CLCA1: variants seen among roughly 807,000 people sequenced by gnomAD.
CLCA1 encodes the protein calcium-activated chloride channel regulator 1.
In CLCA1, 59 loss-of-function variants were observed where a neutral mutation model predicts 85.6. The observed-to-expected ratio is 0.69, with a 90% CI of 0.56 to 0.86. CLCA1 has a LOEUF of 0.86. CLCA1 is among the 40% of genes least tolerant of loss of function. The pLI is 0.00. For synonymous variants in CLCA1, 396 were observed against 398.3 expected, an observed-to-expected ratio of 0.99 and a Z score of 0.07; for missense variants, 1,022 against 1,101.4, an observed-to-expected ratio of 0.93 and a Z score of 1.02.
At chr1:86,486,873 A>G in intron 7 of CLCA1, 120 bp downstream of exon 7, 1 of 832,014 alleles carries the variant, frequency 1.2e-6, no homozygotes, top group South Asian at 1.6e-5. Context: ...ACCAAGGAGC[A>G]ATATTCCATA....
At chr1:86,495,247 T>C (rs1165295796) in intron 11 of CLCA1, among the ~76,000 whole-genome samples, 1 of 152,194 alleles carries the variant, frequency 6.6e-6, no homozygotes, top group Non-Finnish European at 1.5e-5. Flanking sequence ...TTGTGCTACA[T>C]TGGGTGTAAC....
intron 1 of CLCA1, among the ~76,000 whole-genome samples, chr1:86,470,564 T>C (rs1358826): frequency 0.69 from 104,390 of 152,082 alleles, 36,202 homozygotes; most frequent in South Asian, 0.75. Flanking sequence ...AAAGTGCTTC[T>C]ACTTCATTGT....
At chr1:86,476,331 T>C in intron 3 of CLCA1, 117 bp from the exon 4 acceptor site, 1 of 584,710 alleles carries the variant, frequency 1.7e-6, no homozygotes, top group African/African-American at 1.9e-5. Flanking sequence ...ATCAAGTCTT[T>C]AATTTAAAAA....
chr1:86,479,890 A>C (rs954162174), intron 4 of CLCA1, among the ~76,000 whole-genome samples: 2 of 152,110 alleles, frequency 1.3e-5, no homozygotes, highest in African/African-American at 2.4e-5. Context: ...ATCTCAAAAA[A>C]CAAACAAACA....
intron 4 of CLCA1, among the ~76,000 whole-genome samples, chr1:86,481,511 A>G (rs1255575181): frequency 6.6e-6 from 1 of 152,160 alleles, no homozygotes. Flanking sequence ...CAGGAAACAA[A>G]GCTATCTGTG....
intron 7 of CLCA1, among the ~76,000 whole-genome samples, chr1:86,488,362 T>A: frequency 6.6e-6 from 1 of 152,210 alleles, no homozygotes; most frequent in Non-Finnish European, 1.5e-5. Flanking sequence ...ATCCTGTCTA[T>A]ACCATATAAA....
intron 12 of CLCA1, 94 bp from the exon 13 acceptor site, chr1:86,498,478 G>A: frequency 8.0e-7 from 1 of 1,248,392 alleles, no homozygotes; most frequent in Non-Finnish European, 1.1e-6. Context: ...GCAGAAGTGG[G>A]GAACAGGAAG....
At chr1:86,489,234 A>G in intron 8 of CLCA1, 64 bp downstream of exon 8, 1 of 1,460,642 alleles carries the variant, frequency 6.8e-7, no homozygotes, top group Non-Finnish European at 9.4e-7. Flanking sequence ...GCTCCAGTGA[A>G]CTGGGGAGTG....
At position 86,480,544 on chromosome 1, in the gene CLCA1, G is replaced by C. The variant is rs1451151402; in HGVS notation, c.558-1661G>C. On this transcript the variant is annotated intron_variant, in intron 4 of 13. Coordinates refer to ENST00000394711, the MANE Select transcript of CLCA1 (RefSeq NM_001285.4). ...AGGCTGAGGTGGAAGGATCACCTGA[G>C]CCTGGGGGTGAGGTTGAAGCTGCAG... 3.4e-4 allele frequency among the ~76,000 whole-genome samples: 52 copies of C among 152,076 alleles called. 2 individuals are homozygous for C. Among genetic ancestry groups the C allele is most frequent in the Admixed American group, 3.3e-3 (51 of 15,258 alleles).
intron 13 of CLCA1, among the ~76,000 whole-genome samples, chr1:86,499,425 A>G (rs751145700): frequency 1.4e-4 from 22 of 152,328 alleles, no homozygotes; most frequent in Admixed American, 4.6e-4. Flanking sequence ...GTCATGCCCA[A>G]TCCAGTTTTA....
chr1:86,472,493 C>T (rs189973846), intron 1 of CLCA1, among the ~76,000 whole-genome samples: 223 of 152,208 alleles, frequency 1.5e-3, no homozygotes, highest in African/African-American at 5.1e-3. Context: ...CTCTTTTTTC[C>T]TCTGTCTATG....
chr1:86,474,804 G>A (rs941055399), intron 3 of CLCA1, among the ~76,000 whole-genome samples: 2 of 152,084 alleles, frequency 1.3e-5, no homozygotes, highest in African/African-American at 4.8e-5. Flanking sequence ...TATTAAACAA[G>A]TAATGACATA....
chr1:86,477,941 G>A (rs1036989747), intron 4 of CLCA1, among the ~76,000 whole-genome samples: 13 of 152,134 alleles, frequency 8.5e-5, no homozygotes, highest in Admixed American at 7.9e-4. Context: ...AGATGCACTC[G>A]GCTTTGATTC....
intron 8 of CLCA1, among the ~76,000 whole-genome samples, chr1:86,490,088 T>G (rs938898780): frequency 6.6e-6 from 1 of 152,240 alleles, no homozygotes; most frequent in Non-Finnish European, 1.5e-5. Flanking sequence ...CATCACAGAC[T>G]TGTCTCACCT....
In CLCA1 at chr1:86,470,649, A is replaced by C. The variant is rs537486510; in HGVS notation, c.162+1516A>C. 1.1e-4 allele frequency among the ~76,000 whole-genome samples: 16 copies of C among 152,292 alleles called. No individual in the cohort carries two copies. In the South Asian group the frequency reaches 1.5e-3, roughly 14 times the overall value. On this transcript the variant is annotated intron_variant, in intron 1 of 13. Coordinates refer to ENST00000394711, the MANE Select transcript of CLCA1 (RefSeq NM_001285.4). ...ATTGTCTTTCCAGTATGGATCCTAA[A>C]GTTGGGGGTGAGATAAGTTGGCTTC...
At chr1:86,493,330 A>G (rs1249009047) in intron 9 of CLCA1, 54 bp from the exon 10 acceptor site, 1 of 1,402,514 alleles carries the variant, frequency 7.1e-7, no homozygotes, top group African/African-American at 1.4e-5. Context: ...AAGGGAAAAG[A>G]TCATGTGATG....
chr1:86,487,700 G>T (rs1380374259), intron 7 of CLCA1, among the ~76,000 whole-genome samples: 1 of 152,002 alleles, frequency 6.6e-6, no homozygotes, highest in Middle Eastern at 3.2e-3. Flanking sequence ...CCCCACCCTG[G>T]CTCTCCCCGT....
At chr1:86,492,469 C>T (rs1480308243) in intron 9 of CLCA1, among the ~76,000 whole-genome samples, 4 of 152,156 alleles carry the variant, frequency 2.6e-5, no homozygotes, top group African/African-American at 7.2e-5. Context: ...GAGCAAGACT[C>T]ATTCACCAGT....
chr1:86,482,651 T>C (rs1169326726), intron 5 of CLCA1, among the ~76,000 whole-genome samples: 1 of 152,196 alleles, frequency 6.6e-6, no homozygotes, highest in Non-Finnish European at 1.5e-5. Flanking sequence ...CACAAAGGCA[T>C]ACAAGCACAC....
Sources: gnomAD v4.1 joint callset for allele counts (sites outside exome capture counted in the v4.1 genomes callset) on GRCh38, gnomAD v4.1.1 for gene constraint, MANE v1.5 for transcripts, NCBI Gene and HGNC (gene_info 2026-07-23, HGNC 2026-07-21) for gene names.